Variants in PRKCA observed in about 807,000 individuals in gnomAD.
PRKCA encodes the protein protein kinase C alpha type.
Under a neutral mutation model 87.0 loss-of-function variants are expected in PRKCA, and 27 were observed. That is an observed-to-expected ratio of 0.31 (90% CI 0.23 to 0.43). PRKCA has a LOEUF of 0.43. Among genes scored for constraint, PRKCA ranks in the 20% least tolerant of loss-of-function variants. The probability of loss-of-function intolerance (pLI) is 1.00; values close to 1 mark genes in which losing one functional copy is unlikely to be tolerated. For synonymous variants in PRKCA, 329 were observed against 311.1 expected, an observed-to-expected ratio of 1.06 and a Z score of -0.61; for missense variants, 518 against 852.3, an observed-to-expected ratio of 0.61 and a Z score of 4.88.
Position 66,548,322 on chromosome 17 carries a change from C to T in PRKCA, c.288+52039C>T, listed in dbSNP as rs904476466. On this transcript the variant is annotated intron_variant, in intron 3 of 16. Transcript: ENST00000413366. ...GGGCGCCCCTCCTTGACACTTCCTTCCTTTTGGCAGGAAGGAGAGGGGCAG... is the reference window on the plus strand; with the variant it reads ...GGGCGCCCCTCCTTGACACTTCCTTTCTTTTGGCAGGAAGGAGAGGGGCAG... 5.3e-5 allele frequency among the ~76,000 whole-genome samples: 8 copies of T among 152,166 alleles called. 1 individual carries two copies. Among genetic ancestry groups the T allele is most frequent in the Middle Eastern group, 3.2e-3 (1 of 314 alleles).
chr17:66,553,524 C>G (rs61762383), intron 3 of PRKCA, among the ~76,000 whole-genome samples: 1 of 152,150 alleles, frequency 6.6e-6, no homozygotes, highest in Non-Finnish European at 1.5e-5. Context: ...CTAGATTTCG[C>G]GACTTGCTTC....
chr17:66,771,146 G>T (rs540042629), intron 13 of PRKCA, among the ~76,000 whole-genome samples: 1 of 152,004 alleles, frequency 6.6e-6, no homozygotes, highest in Non-Finnish European at 1.5e-5. Flanking sequence ...GGGATTACAG[G>T]CATGCACCAC....
intron 5 of PRKCA, among the ~76,000 whole-genome samples, chr17:66,648,725 C>G (rs1240034567): frequency 6.6e-6 from 1 of 152,104 alleles, no homozygotes; most frequent in Non-Finnish European, 1.5e-5. Context: ...ACAGAGTTCT[C>G]GTACACCCTT....
intron 3 of PRKCA, among the ~76,000 whole-genome samples, chr17:66,623,121 A>G (rs1182717652): frequency 6.6e-6 from 1 of 152,234 alleles, no homozygotes; most frequent in African/African-American, 2.4e-5. Flanking sequence ...AAGAAGTTGA[A>G]TTGCTCCTTC....
chr17:66,720,058 C>T (rs1460938622), intron 8 of PRKCA, among the ~76,000 whole-genome samples: 1 of 152,216 alleles, frequency 6.6e-6, no homozygotes, highest in African/African-American at 2.4e-5. Context: ...ACGAGCCGTG[C>T]GTGCTCATCC....
At position 66,804,206 on chromosome 17, in the gene PRKCA, C is replaced by G; in HGVS notation, c.*169C>G. 3.5e-6 allele frequency: 3 copies of G among 860,216 alleles called. No individual in the cohort carries two copies. The highest frequency in any genetic ancestry group is 2.8e-5 in the East Asian group (1 of 36,166). The allele number at this position is 860,216 out of a possible 1,614,324, so 53.3% of individuals were successfully genotyped here. ...ATGTGATCAACTGTTCAGGGTCTCT[C>G]TCTTACAACCAAGAACATTATCTTA... On this transcript the variant is annotated 3_prime_UTR_variant, in exon 17 of 17. Transcript: ENST00000413366.
chr17:66,584,700 C>T (rs190048107), intron 3 of PRKCA, among the ~76,000 whole-genome samples: 121 of 152,286 alleles, frequency 7.9e-4, no homozygotes, highest in Non-Finnish European at 1.4e-3. Context: ...GACTGCATTA[C>T]TCCATTCTCT....
intron 13 of PRKCA, among the ~76,000 whole-genome samples, chr17:66,760,856 G>A (rs1033799490): frequency 1.3e-5 from 2 of 152,172 alleles, no homozygotes; most frequent in African/African-American, 4.8e-5. Flanking sequence ...TTTGCAGCCA[G>A]TATAAACAAT....
At chr17:66,713,067 T>TTTTTTTTTTTTTTTTTTTTTTTTTTTTTG in intron 8 of PRKCA, among the ~76,000 whole-genome samples, 1 of 145,580 alleles carries the variant, frequency 6.9e-6, no homozygotes. Context: ...TTTTTTTTTT[T>TTTTTTTTTTTTTTTTTTTTTTTTTTTTTG]TTGAGATGGA....
intron 3 of PRKCA, among the ~76,000 whole-genome samples, chr17:66,617,261 G>A (rs566957362): frequency 2.6e-5 from 4 of 152,064 alleles, no homozygotes; most frequent in Non-Finnish European, 4.4e-5. Flanking sequence ...CCTCGGTATG[G>A]GCTGTTTTCC....
chr17:66,624,589 T>C (rs1037462287), intron 3 of PRKCA, among the ~76,000 whole-genome samples: 2 of 152,036 alleles, frequency 1.3e-5, no homozygotes, highest in Admixed American at 6.6e-5. Flanking sequence ...TCACTTGAGG[T>C]CAAGAGTTTG....
chr17:66,709,538 A>T (rs1973273059), intron 8 of PRKCA, among the ~76,000 whole-genome samples: 1 of 151,696 alleles, frequency 6.6e-6, no homozygotes, highest in Admixed American at 6.6e-5. Context: ...TGAATTCCTG[A>T]CCTCAAGTGA....
intron 2 of PRKCA, among the ~76,000 whole-genome samples, chr17:66,307,752 A>G (rs1190991953): frequency 1.3e-5 from 2 of 152,198 alleles, no homozygotes; most frequent in African/African-American, 4.8e-5. Flanking sequence ...TTAGCAGATT[A>G]ATAGTTTCAT....
chr17:66,562,597 TG>T (rs1387314997), intron 3 of PRKCA, among the ~76,000 whole-genome samples: 7 of 151,846 alleles, frequency 4.6e-5, no homozygotes, highest in Admixed American at 6.6e-5. Flanking sequence ...TTTTTTTTGT[TG>T]TTGTTGTTGT....
At chr17:66,643,980 G>A (rs754950884) in intron 4 of PRKCA, among the ~76,000 whole-genome samples, 6 of 152,180 alleles carry the variant, frequency 3.9e-5, no homozygotes, top group Non-Finnish European at 8.8e-5. Context: ...TTCACCTCCC[G>A]TCCCCTCCCC....
intron 2 of PRKCA, among the ~76,000 whole-genome samples, chr17:66,490,610 C>G (rs1474205862): frequency 6.6e-6 from 1 of 151,864 alleles, no homozygotes; most frequent in African/African-American, 2.4e-5. Flanking sequence ...GAGTCTTGCT[C>G]TGTCACCCAG....
intron 3 of PRKCA, among the ~76,000 whole-genome samples, chr17:66,523,281 C>T (rs1281406061): frequency 6.6e-6 from 1 of 152,122 alleles, no homozygotes; most frequent in Non-Finnish European, 1.5e-5. Flanking sequence ...TCCCCCAGTT[C>T]CTCCCCGAAA....
chr17:66,576,974 A>G (rs1466549126), intron 3 of PRKCA, among the ~76,000 whole-genome samples: 1 of 150,610 alleles, frequency 6.6e-6, no homozygotes, highest in African/African-American at 2.5e-5. Flanking sequence ...TCCCGGGCTC[A>G]GGTGATCCTC....
At chr17:66,401,794 C>T (rs960268569) in intron 2 of PRKCA, among the ~76,000 whole-genome samples, 8 of 152,088 alleles carry the variant, frequency 5.3e-5, no homozygotes, top group African/African-American at 1.4e-4. Flanking sequence ...GCAGTGGTTC[C>T]GTGATCTGAA....
Sources: gnomAD v4.1 joint callset for allele counts (sites outside exome capture counted in the v4.1 genomes callset) on GRCh38, gnomAD v4.1.1 for gene constraint, MANE v1.5 for transcripts, NCBI Gene and HGNC (gene_info 2026-07-23, HGNC 2026-07-21) for gene names.